The following ELMO1 variants were observed in gnomAD, a reference collection of about 807,000 sequenced individuals.
The protein encoded by ELMO1 is engulfment and cell motility protein 1.
Under a neutral mutation model 98.9 loss-of-function variants are expected in ELMO1, and 26 were observed. The ratio of observed to expected loss-of-function variants is 0.26; its 90% CI spans 0.19 to 0.36. The LOEUF is 0.36. Ranked by LOEUF, ELMO1 falls within the 10% of genes least tolerant of loss-of-function variation. The pLI is 1.00. For synonymous variants in ELMO1, 346 were observed against 346.0 expected (o/e 1.00, Z 0.00); for missense variants, 627 against 935.2 (o/e 0.67, Z 4.30).
intron 19 of ELMO1, among the ~76,000 whole-genome samples, chr7:36,876,156 C>A (rs950766651): frequency 6.6e-6 from 1 of 152,222 alleles, no homozygotes; most frequent in African/African-American, 2.4e-5. Flanking sequence ...CATCGCTGGG[C>A]TCTGGTCAGT....
chr7:37,352,069 C>G (rs1801295309), intron 1 of ELMO1, among the ~76,000 whole-genome samples: 1 of 152,212 alleles, frequency 6.6e-6, no homozygotes, highest in Non-Finnish European at 1.5e-5. Context: ...ATAATATCCA[C>G]TAATAACTTA....
chr7:37,414,443 G>A (rs551175099), intron 1 of ELMO1, among the ~76,000 whole-genome samples: 2 of 152,306 alleles, frequency 1.3e-5, no homozygotes, highest in African/African-American at 4.8e-5. Flanking sequence ...TCTAAATTAA[G>A]CATATCCAGG....
chr7:37,248,137 AAGG>A (rs1389192223), intron 6 of ELMO1, among the ~76,000 whole-genome samples: 1 of 150,686 alleles, frequency 6.6e-6, no homozygotes, highest in African/African-American at 2.5e-5. Flanking sequence ...GATTATGCAT[AAGG>A]AGAAGAGAAA....
At chr7:37,431,571 T>C (rs1180517183) in intron 1 of ELMO1, among the ~76,000 whole-genome samples, 1 of 152,198 alleles carries the variant, frequency 6.6e-6, no homozygotes, top group Non-Finnish European at 1.5e-5. Flanking sequence ...CAGTTTATAG[T>C]GAGTTTACAC....
intron 18 of ELMO1, among the ~76,000 whole-genome samples, chr7:36,881,135 T>C (rs1804419090): frequency 6.6e-6 from 1 of 152,292 alleles, no homozygotes; most frequent in East Asian, 1.9e-4. Context: ...TGGCAAAATA[T>C]TGGAAAAAGG....
intron 16 of ELMO1, among the ~76,000 whole-genome samples, chr7:36,960,192 T>G (rs1050487573): frequency 4.6e-5 from 7 of 152,346 alleles, no homozygotes; most frequent in South Asian, 2.1e-4. Context: ...GTGAGTACTG[T>G]GTGCCCCCAC....
chr7:37,307,807 T>A (rs767967253), intron 4 of ELMO1, among the ~76,000 whole-genome samples: 1 of 152,182 alleles, frequency 6.6e-6, no homozygotes, highest in East Asian at 1.9e-4. Flanking sequence ...TCAATCTCTA[T>A]GCGAATTTTA....
chr7:37,255,699 C>T (rs1005789157), intron 6 of ELMO1, among the ~76,000 whole-genome samples: 2 of 152,168 alleles, frequency 1.3e-5, no homozygotes, highest in African/African-American at 4.8e-5. Context: ...CTGAATGTGC[C>T]AGAGCTCAAG....
At chr7:36,987,973 G>C (rs1172338936) in intron 16 of ELMO1, among the ~76,000 whole-genome samples, 1 of 152,196 alleles carries the variant, frequency 6.6e-6, no homozygotes, top group Non-Finnish European at 1.5e-5. Flanking sequence ...GGACAGGCTG[G>C]TCTCAAACTC....
rs184761176 is a variant in ELMO1, at chr7:37,266,455, C to G, written c.243+5377G>C. 2.9e-3 allele frequency among the ~76,000 whole-genome samples: 442 copies of G among 152,242 alleles called. 4 individuals carry two copies. The highest frequency in any genetic ancestry group is 5.2e-3 in the Admixed American group (79 of 15,288). The stretch of plus-strand genomic sequence containing the variant: ...GAAAGAGTAGAAAGCAAGGATTATG[C>G]TTACAGCTGACAAAGCAACAGTAGG... On this transcript the variant is annotated intron_variant, in intron 5 of 21. Coordinates refer to ENST00000310758, the MANE Select transcript of ELMO1 (RefSeq NM_014800.11).
At chr7:36,949,574 A>T (rs1206389948) in intron 16 of ELMO1, among the ~76,000 whole-genome samples, 1 of 151,966 alleles carries the variant, frequency 6.6e-6, no homozygotes, top group Non-Finnish European at 1.5e-5. Flanking sequence ...TGGGCCAGAT[A>T]ATTCTATGTT....
At chr7:37,152,335 G>C (rs1307903395) in intron 13 of ELMO1, among the ~76,000 whole-genome samples, 2 of 152,122 alleles carry the variant, frequency 1.3e-5, no homozygotes, top group Admixed American at 6.5e-5. Flanking sequence ...GGCTGTGTGG[G>C]ACTGGTCTTC....
intron 14 of ELMO1, among the ~76,000 whole-genome samples, chr7:37,113,767 A>C (rs1277112858): frequency 6.6e-6 from 1 of 152,188 alleles, no homozygotes; most frequent in Non-Finnish European, 1.5e-5. Flanking sequence ...TAGGGTCCGA[A>C]TCCAGTATGA....
rs181764212 is a variant in ELMO1, at chr7:37,193,316, A to G, written c.1086+18070T>C. On this transcript the variant is annotated intron_variant, in intron 13 of 21. Transcript: ENST00000310758. ...GCAGCCCAACCCGCACAGTGATTGTATCCAACCAAGGCCCCCTGGCTCTCT... is the reference window on the plus strand; with the variant it reads ...GCAGCCCAACCCGCACAGTGATTGTGTCCAACCAAGGCCCCCTGGCTCTCT... Among the ~76,000 whole-genome samples, 7 of 152,276 alleles carry G rather than the reference A, an allele frequency of 4.6e-5. No homozygotes were observed. In the East Asian group the frequency reaches 1.3e-3, roughly 29 times the overall value.
intron 15 of ELMO1, among the ~76,000 whole-genome samples, chr7:37,027,085 G>C (rs527953516): frequency 1.3e-5 from 2 of 152,104 alleles, no homozygotes; most frequent in African/African-American, 2.4e-5. Flanking sequence ...ACTCTGGAAG[G>C]CTCCCCACAA....
intron 1 of ELMO1, among the ~76,000 whole-genome samples, chr7:37,447,284 C>T (rs1425639545): frequency 6.6e-6 from 1 of 152,242 alleles, no homozygotes; most frequent in African/African-American, 2.4e-5. Flanking sequence ...AAGTCACTGG[C>T]AGCGCCCAAC....
At chr7:37,240,571 T>TC (rs1451286826) in intron 7 of ELMO1, among the ~76,000 whole-genome samples, 1 of 151,168 alleles carries the variant, frequency 6.6e-6, no homozygotes, top group Non-Finnish European at 1.5e-5. Flanking sequence ...ACTTAGACCA[T>TC]TTTTTTTTAA....
At chr7:36,939,170 G>A (rs901677136) in intron 16 of ELMO1, among the ~76,000 whole-genome samples, 4 of 146,170 alleles carry the variant, frequency 2.7e-5, no homozygotes, top group Non-Finnish European at 6.0e-5. Context: ...TAAGAAATGA[G>A]TTTTTTTTTT....
chr7:37,251,878 CAA>C (rs1161781312), intron 6 of ELMO1, among the ~76,000 whole-genome samples: 1 of 152,210 alleles, frequency 6.6e-6, no homozygotes, highest in African/African-American at 2.4e-5. Context: ...GCAACTTCAG[CAA>C]AGTCTCAGGA....
Sources: allele counts gnomAD v4.1 joint callset (sites outside exome capture counted in the v4.1 genomes callset), GRCh38; gene constraint gnomAD v4.1.1; transcripts MANE v1.5; gene names NCBI Gene and HGNC (gene_info 2026-07-23, HGNC 2026-07-21).